NEGR1: variants seen among roughly 807,000 people sequenced by gnomAD.
NEGR1 encodes IgLON family member 4.
NEGR1 carries 10 observed loss-of-function variants against 40.9 expected under a neutral mutation model. The observed-to-expected ratio is 0.24, with a 90% CI of 0.15 to 0.42. The LOEUF (loss-of-function observed/expected upper bound fraction) is 0.42, where lower values mean the gene tolerates loss of function less well. Ranked by LOEUF, NEGR1 falls within the 10% of genes least tolerant of loss-of-function variation. The pLI is 1.00. For synonymous variants in NEGR1, 185 were observed against 166.8 expected, an observed-to-expected ratio of 1.11 and a Z score of -0.84; for missense variants, 352 against 438.9, an observed-to-expected ratio of 0.80 and a Z score of 1.77.
chr1:72,009,103 A>G (rs1469312896), intron 1 of NEGR1, among the ~76,000 whole-genome samples: 1 of 152,028 alleles, frequency 6.6e-6, no homozygotes, highest in Non-Finnish European at 1.5e-5. Flanking sequence ...AATGGTGCAT[A>G]TTACCATTAC....
At chr1:72,055,737 A>C (rs1208082041) in intron 1 of NEGR1, among the ~76,000 whole-genome samples, 2 of 148,996 alleles carry the variant, frequency 1.3e-5, no homozygotes, top group African/African-American at 4.9e-5. Context: ...GTTTGGTCAA[A>C]ATCCTTTTGC....
Position 71,629,048 on chromosome 1 carries a change from A to C in NEGR1, c.668-17902T>G, listed in dbSNP as rs555811241. Among the ~76,000 whole-genome samples the C allele has an allele frequency of 1.1e-4, 16 of 152,202 alleles. No homozygotes were observed. The South Asian group carries it at 1.2e-3, about 12-fold the overall frequency. On this transcript the variant is annotated intron_variant, in intron 4 of 6. Transcript: ENST00000357731. ...TCCCACCAACAGTGTGAAAGTGTTC[A>C]TATTTCTCTACATCCTCTCCAGCTT...
At chr1:71,961,992 G>C (rs946404945) in intron 1 of NEGR1, among the ~76,000 whole-genome samples, 1 of 152,066 alleles carries the variant, frequency 6.6e-6, no homozygotes, top group Non-Finnish European at 1.5e-5. Flanking sequence ...GCTACATTAA[G>C]AGTGGTATTT....
At chr1:71,421,475 A>G (rs1012368012) in intron 6 of NEGR1, 11 of 152,248 alleles carry the variant, frequency 7.2e-5, no homozygotes, top group Admixed American at 4.6e-4. Context: ...TAGCAAAGGT[A>G]TAGTTTAAAA....
At chr1:71,974,799 G>A (rs943344196) in intron 1 of NEGR1, among the ~76,000 whole-genome samples, 6 of 152,222 alleles carry the variant, frequency 3.9e-5, no homozygotes, top group African/African-American at 1.4e-4. Context: ...GACTAATGCA[G>A]GTGATCTTTG....
At chr1:71,920,302 C>T (rs1015256227) in intron 2 of NEGR1, among the ~76,000 whole-genome samples, 11 of 152,194 alleles carry the variant, frequency 7.2e-5, no homozygotes, top group African/African-American at 2.7e-4. Context: ...GTTTATACAT[C>T]TAATTGCTTA....
At chr1:72,002,943 C>T (rs961557235) in intron 1 of NEGR1, among the ~76,000 whole-genome samples, 1 of 152,056 alleles carries the variant, frequency 6.6e-6, no homozygotes, top group East Asian at 1.9e-4. Context: ...TGAATAAACA[C>T]ATTTGGGGAG....
intron 3 of NEGR1, among the ~76,000 whole-genome samples, chr1:71,772,325 A>G (rs571297950): frequency 1.3e-5 from 2 of 152,162 alleles, no homozygotes; most frequent in East Asian, 3.9e-4. Context: ...CATCACTTAA[A>G]TCCAGGAGGT....
intron 6 of NEGR1, among the ~76,000 whole-genome samples, chr1:71,568,202 A>G (rs751461310): frequency 3.9e-5 from 6 of 151,942 alleles, no homozygotes; most frequent in Non-Finnish European, 8.8e-5. Context: ...CATTTTATTA[A>G]CCCCTCTATG....
At chr1:71,452,592 G>C (rs1048168289) in intron 6 of NEGR1, among the ~76,000 whole-genome samples, 5 of 152,030 alleles carry the variant, frequency 3.3e-5, no homozygotes, top group African/African-American at 1.2e-4. Context: ...GGTTCCTACT[G>C]TCTCCTTGAT....
At chr1:72,133,105 G>T (rs1228258464) in intron 1 of NEGR1, among the ~76,000 whole-genome samples, 2 of 151,964 alleles carry the variant, frequency 1.3e-5, no homozygotes, top group African/African-American at 4.8e-5. Context: ...TAAGAATAAA[G>T]ACTTATAACC....
At chr1:71,622,764 A>G (rs902186613) in intron 4 of NEGR1, among the ~76,000 whole-genome samples, 1 of 151,804 alleles carries the variant, frequency 6.6e-6, no homozygotes, top group Non-Finnish European at 1.5e-5. Flanking sequence ...ATAGATGAGG[A>G]TAGCATTGGT....
chr1:71,551,470 T>C (rs1307418455), intron 6 of NEGR1, among the ~76,000 whole-genome samples: 1 of 151,662 alleles, frequency 6.6e-6, no homozygotes, highest in Non-Finnish European at 1.5e-5. Flanking sequence ...CAGTGTGATA[T>C]ATAAAAACAA....
intron 1 of NEGR1, among the ~76,000 whole-genome samples, chr1:72,021,337 G>A (rs905505744): frequency 1.3e-5 from 2 of 151,944 alleles, no homozygotes; most frequent in South Asian, 2.1e-4. Flanking sequence ...GAATATTCAC[G>A]CACTAAGTAT....
At chr1:71,532,515 A>G (rs1647386955) in intron 6 of NEGR1, among the ~76,000 whole-genome samples, 1 of 151,638 alleles carries the variant, frequency 6.6e-6, no homozygotes, top group Non-Finnish European at 1.5e-5. Flanking sequence ...ATACCAAGCC[A>G]TAGTAAATAG....
intron 1 of NEGR1, among the ~76,000 whole-genome samples, chr1:72,041,154 A>C (rs1054404206): frequency 6.6e-6 from 1 of 152,022 alleles, no homozygotes; most frequent in African/African-American, 2.4e-5. Flanking sequence ...TATGTATGCC[A>C]ATTTAGGGTT....
intron 2 of NEGR1, among the ~76,000 whole-genome samples, chr1:71,911,508 C>A (rs914107729): frequency 6.6e-6 from 1 of 152,124 alleles, no homozygotes; most frequent in African/African-American, 2.4e-5. Flanking sequence ...ACACATTTAA[C>A]TGTAGGTATG....
intron 1 of NEGR1, among the ~76,000 whole-genome samples, chr1:72,078,514 C>T (rs919455309): frequency 6.6e-6 from 1 of 151,512 alleles, no homozygotes; most frequent in Non-Finnish European, 1.5e-5. Context: ...TTTACAAATT[C>T]CACTGATACC....
At chr1:71,654,687 A>C (rs1651822582) in intron 4 of NEGR1, among the ~76,000 whole-genome samples, 1 of 152,202 alleles carries the variant, frequency 6.6e-6, no homozygotes, top group Non-Finnish European at 1.5e-5. Flanking sequence ...GTTAATATCA[A>C]ATAGGTCAAG....
Sources: gnomAD v4.1 joint callset for allele counts (sites outside exome capture counted in the v4.1 genomes callset) on GRCh38, gnomAD v4.1.1 for gene constraint, MANE v1.5 for transcripts, NCBI Gene and HGNC (gene_info 2026-07-23, HGNC 2026-07-21) for gene names.